Variants in CHAF1A observed in about 807,000 individuals in gnomAD.
CHAF1A encodes chromatin assembly factor 1 subunit A, also known as CAF-1 subunit A.
In CHAF1A, 5 loss-of-function variants were observed where a neutral mutation model predicts 93.2. The observed-to-expected ratio is 0.05, with a 90% confidence interval of 0.03 to 0.11. The LOEUF is 0.11. CHAF1A is among the 10% of genes least tolerant of loss of function. The pLI is 1.00. For missense variants in CHAF1A, 1,102 were observed against 1,259.9 expected, an observed-to-expected ratio of 0.87 and a Z score of 1.90; for synonymous variants, 504 against 510.3, an observed-to-expected ratio of 0.99 and a Z score of 0.17.
rs1974000038 is a variant in CHAF1A, at chr19:4,422,081, C to T, written c.1018-485C>T. ...CTGGAGTGCAGTGGCACCGTGTTGG[C>T]TCACTGCAACCTCCGTCTCCTGGTT... is the stretch of plus-strand genomic sequence containing the variant. On this transcript the variant is annotated intron_variant, in intron 4 of 14. Transcript: ENST00000301280. This position sits in a 1 kb window ranked among gnomAD's most constrained non-coding sequence, Gnocchi z 4.6. 6.6e-6 allele frequency among the ~76,000 whole-genome samples: 1 copy of T among 151,774 alleles called. No individual in the cohort carries two copies. Among genetic ancestry groups the T allele is most frequent in the South Asian group, 2.1e-4 (1 of 4,812 alleles).
chr19:4,441,770 C>T (rs1298346088), intron 13 of CHAF1A, among the ~76,000 whole-genome samples: 5 of 151,792 alleles, frequency 3.3e-5, no homozygotes, highest in African/African-American at 1.2e-4. Flanking sequence ...TGGTGTCAGG[C>T]GCCTGTAGTC....
intron 7 of CHAF1A, among the ~76,000 whole-genome samples, chr19:4,425,198 C>T (rs1384590953): frequency 6.6e-6 from 1 of 152,166 alleles, no homozygotes; most frequent in African/African-American, 2.4e-5. Flanking sequence ...TGTATTTTCA[C>T]TGCCGCATAA....
chr19:4,437,562 G>A (rs965505983), intron 13 of CHAF1A, among the ~76,000 whole-genome samples: 2 of 152,000 alleles, frequency 1.3e-5, no homozygotes, highest in African/African-American at 2.4e-5. Context: ...GCCCAGGCTG[G>A]TCTCCAACTC....
At chr19:4,445,398 A>G (rs897782414), downstream of CHAF1A, 24 of 1,563,654 alleles carry the variant, frequency 1.5e-5, no homozygotes, top group Non-Finnish European at 2.0e-5. Context: ...GGCAGAGCCA[A>G]GTATTTCCAG....
chr19:4,442,460 G>A, intron 14 of CHAF1A, 119 bp downstream of exon 14: 2 of 854,254 alleles, frequency 2.3e-6, no homozygotes, highest in South Asian at 1.6e-5. Flanking sequence ...AGGAGGGCTT[G>A]CAGCTGGAAG....
At chr19:4,442,870 C>T (rs910197079) in intron 14 of CHAF1A, 55 bp from the exon 15 acceptor site, 1 of 1,360,094 alleles carries the variant, frequency 7.4e-7, no homozygotes, top group Non-Finnish European at 9.9e-7. Context: ...GGGTCTTCCC[C>T]CAGGGAGCCC....
chr19:4,409,183 C>T lies in CHAF1A; in HGVS notation c.384C>T (p.Asp128=). Residue 128 remains aspartate (D), a synonymous_variant, in exon 3 of 15, where the codon GAC becomes GAT. Coordinates refer to ENST00000301280, the MANE Select transcript of CHAF1A (RefSeq NM_005483.3). ...CAGAGGACTCGAATGAGCAGCCAGA[C>T]AGTCTTGTGGACCACAATAAACTAA... ...DLTEDSNEQP[D]SLVDHNKLNS... The T allele has an allele frequency of 6.2e-7, 1 of 1,614,230 alleles. No individual in the cohort carries two copies. Among genetic ancestry groups the T allele is most frequent in the Non-Finnish European group, 8.5e-7 (1 of 1,180,044 alleles).
downstream of CHAF1A, chr19:4,446,848 C>A (rs78035520): frequency 6.8e-6 from 11 of 1,614,060 alleles, no homozygotes; most frequent in Middle Eastern, 1.5e-3. Context: ...TGATCCTGGG[C>A]GGGAAGCAAC....
In CHAF1A at chr19:4,438,929, C is replaced by T. The variant is rs568002118; in HGVS notation, c.2674-3316C>T. The stretch of plus-strand genomic sequence containing the variant: ...CCTGGGAGGCGGAGCTTGCGGTGAG[C>T]CGAGATCGCGCCACTGCACTCCAGC... On this transcript the variant is annotated intron_variant, in intron 13 of 14. Coordinates refer to ENST00000301280, the MANE Select transcript of CHAF1A (RefSeq NM_005483.3). Among the ~76,000 whole-genome samples the T allele has an allele frequency of 8.5e-5, 13 of 152,198 alleles. No individual in the cohort carries two copies. The South Asian group carries it at 2.7e-3, about 32-fold the overall frequency.
chr19:4,438,264 A>C (rs1055522301), intron 13 of CHAF1A, among the ~76,000 whole-genome samples: 1 of 152,088 alleles, frequency 6.6e-6, no homozygotes, highest in Admixed American at 6.6e-5. Context: ...CTTATAAGTG[A>C]GAGCATGTGA....
downstream of CHAF1A, chr19:4,445,654 C>T (rs1381179163): frequency 1.9e-6 from 3 of 1,599,176 alleles, no homozygotes; most frequent in Admixed American, 3.4e-5. Context: ...CACTCTGAGA[C>T]CGAGAGTCGG....
At chr19:4,418,997 G>T (rs1488938657) in intron 4 of CHAF1A, among the ~76,000 whole-genome samples, 1 of 151,668 alleles carries the variant, frequency 6.6e-6, no homozygotes, top group African/African-American at 2.4e-5. Flanking sequence ...CGAGTAGCTG[G>T]GACTACAGGC....
At chr19:4,440,105 C>A (rs1974357949) in intron 13 of CHAF1A, among the ~76,000 whole-genome samples, 1 of 152,202 alleles carries the variant, frequency 6.6e-6, no homozygotes, top group South Asian at 2.1e-4. Context: ...CGTTGTGTTG[C>A]TGTGCGGTCA....
downstream of CHAF1A, chr19:4,448,202 C>G: frequency 3.1e-6 from 3 of 961,354 alleles, no homozygotes. Context: ...GGCCTATGCT[C>G]CTTCCCAACC....
intron 12 of CHAF1A, among the ~76,000 whole-genome samples, chr19:4,432,822 C>T (rs1484694821): frequency 2.0e-5 from 3 of 151,718 alleles, no homozygotes; most frequent in African/African-American, 7.3e-5. Flanking sequence ...GCAGGGCAGT[C>T]ATTTGGGTAG....
intron 13 of CHAF1A, among the ~76,000 whole-genome samples, chr19:4,434,860 T>C (rs770265281): frequency 6.6e-6 from 1 of 152,106 alleles, no homozygotes; most frequent in Non-Finnish European, 1.5e-5. Flanking sequence ...GGGGAATGAA[T>C]GGCTGTGTGA....
In CHAF1A at chr19:4,432,042, G is replaced by C. The variant is rs757341375; in HGVS notation, c.2038G>C (p.Val680Leu). The stretch of plus-strand genomic sequence containing the variant: ...CCTGGCTAAGGGGAAGCGCTTTCGC[G>C]TCCTGCAACCTGTGAAGATCGGCTG... ...EFLAKGKRFR[V>L]LQPVKIGCVW... The change falls in exon 12 of 15, where the codon GTC (valine) becomes CTC (leucine). Residue 680 changes from valine to leucine, a missense_variant. Val to Leu is a conservative substitution (Grantham distance 32). Transcript: ENST00000301280. 1 of 1,614,144 alleles carries C rather than the reference G, an allele frequency of 6.2e-7. No homozygotes were observed. Among genetic ancestry groups the C allele is most frequent in the Admixed American group, 1.7e-5 (1 of 60,012 alleles).
intron 4 of CHAF1A, among the ~76,000 whole-genome samples, chr19:4,418,672 C>G (rs1973937652): frequency 6.6e-6 from 1 of 152,122 alleles, no homozygotes; most frequent in Non-Finnish European, 1.5e-5. Context: ...GCCTCGGCCT[C>G]CCAGAGTGCT....
At chr19:4,426,412 C>T (rs1438637218) in intron 7 of CHAF1A, among the ~76,000 whole-genome samples, 1 of 152,016 alleles carries the variant, frequency 6.6e-6, no homozygotes, top group African/African-American at 2.4e-5. Context: ...TTGTGATCCG[C>T]CCGCCTCGGC....
Sources: gnomAD v4.1 joint callset for allele counts (sites outside exome capture counted in the v4.1 genomes callset) on GRCh38, gnomAD v4.1.1 for gene constraint, Gnocchi (gnomAD v3.1) non-coding constraint, MANE v1.5 for transcripts, NCBI Gene and HGNC (gene_info 2026-07-23, HGNC 2026-07-21) for gene names.